The following YEATS2 variants were observed in gnomAD, a reference collection of about 807,000 sequenced individuals.
YEATS2 encodes the protein YEATS domain containing 2.
A neutral mutation model predicts 163.2 loss-of-function variants in YEATS2; 77 were observed. That is an observed-to-expected ratio of 0.47 (90% CI 0.39 to 0.57). The LOEUF (loss-of-function observed/expected upper bound fraction) is 0.57. Among genes scored for constraint, YEATS2 ranks in the 20% least tolerant of loss-of-function variants. YEATS2 has a pLI of 0.00. For synonymous variants in YEATS2, 631 were observed against 645.1 expected (o/e 0.98, Z 0.33); for missense variants, 1,549 against 1,729.8 (o/e 0.90, Z 1.85).
Position 183,810,857 on chromosome 3 carries a change from C to G in YEATS2, c.*274C>G. 2 of 414,822 alleles carry G rather than the reference C, an allele frequency of 4.8e-6. No homozygotes were observed. Among genetic ancestry groups the G allele is most frequent in the Non-Finnish European group, 9.0e-6 (2 of 221,868 alleles). 25.7% of individuals were successfully genotyped at this position (414,822 alleles called of 1,614,324 possible). On this transcript the variant is annotated 3_prime_UTR_variant, in exon 31 of 31. Transcript: ENST00000305135. Reference sequence around the variant, plus strand: ...TTCTGCAGTCTTTGTAAAGGCCCCACGAGAGCGGGCCAGGCCGTGTGCCTC... The same window carrying G: ...TTCTGCAGTCTTTGTAAAGGCCCCAGGAGAGCGGGCCAGGCCGTGTGCCTC...
intron 18 of YEATS2, 23 bp from the exon 19 acceptor site, chr3:183,777,519 C>A: frequency 6.2e-7 from 1 of 1,610,670 alleles, no homozygotes; most frequent in Non-Finnish European, 8.5e-7. Flanking sequence ...CCGATTAGTT[C>A]TTTATATTTT....
intron 9 of YEATS2, among the ~76,000 whole-genome samples, chr3:183,751,488 T>G (rs1720160424): frequency 6.6e-6 from 1 of 152,236 alleles, no homozygotes; most frequent in Admixed American, 6.5e-5. Flanking sequence ...TCTGCTGTAT[T>G]ATATCAGAAG....
At chr3:183,807,704 G>C (rs933544167) in intron 28 of YEATS2, 22 of 256,164 alleles carry the variant, frequency 8.6e-5, no homozygotes, top group Non-Finnish European at 2.3e-5. Context: ...ACAGGACGTT[G>C]GAGTCTGATT....
intron 15 of YEATS2, among the ~76,000 whole-genome samples, chr3:183,770,316 G>A (rs141033741): frequency 1.4e-3 from 209 of 152,030 alleles, no homozygotes; most frequent in East Asian, 5.7e-3. Flanking sequence ...CCCGTGAGGC[G>A]GAGGTTGCAG....
At chr3:183,740,111 T>A (rs1718786697) in intron 8 of YEATS2, among the ~76,000 whole-genome samples, 2 of 137,418 alleles carry the variant, frequency 1.5e-5, no homozygotes, top group African/African-American at 5.5e-5. Flanking sequence ...ACAAATGGGA[T>A]CTAATTAAAC....
intron 19 of YEATS2, among the ~76,000 whole-genome samples, chr3:183,782,149 G>C (rs1477383434): frequency 1.4e-4 from 22 of 151,784 alleles, no homozygotes; most frequent in African/African-American, 5.3e-4. Flanking sequence ...CGCTCTTGTT[G>C]CCCAGGCTGG....
chr3:183,762,855 C>T (rs1721515487), intron 15 of YEATS2, among the ~76,000 whole-genome samples: 1 of 151,930 alleles, frequency 6.6e-6, no homozygotes, highest in Admixed American at 6.6e-5. Flanking sequence ...AGTTCGAGAC[C>T]AGCCTGACCA....
At chr3:183,702,110 T>A (rs1304030138) in intron 1 of YEATS2, among the ~76,000 whole-genome samples, 1 of 152,122 alleles carries the variant, frequency 6.6e-6, no homozygotes, top group African/African-American at 2.4e-5. Flanking sequence ...CTTCGAAAGC[T>A]TTTTTTCCCC....
At chr3:183,725,041 C>CTTTTTTT (rs62826962) in intron 6 of YEATS2, among the ~76,000 whole-genome samples, 4 of 87,498 alleles carry the variant, frequency 4.6e-5, no homozygotes, top group East Asian at 3.9e-4. Context: ...CCGTGCCGGC[C>CTTTTTTT]TTTTTTTTTT....
rs763286549 is a variant in YEATS2, at chr3:183,804,002, A to T, written c.3598A>T (p.Thr1200Ser). The change falls in exon 27 of 31, where the codon ACA (threonine) becomes TCA (serine). Residue 1200 changes from threonine to serine, a missense_variant. Coordinates refer to ENST00000305135, the MANE Select transcript of YEATS2 (RefSeq NM_018023.5). ...RRAAEWQRAMTMRKVLQEILE... is the reference protein window; with the variant it reads ...RRAAEWQRAMSMRKVLQEILE... ...TTTTTTTAAGTGGCAAAGAGCAATG[A>T]CAATGCGAAAAGTCTTACAAGAAAT... 1.2e-6 allele frequency: 2 copies of T among 1,614,132 alleles called. No homozygotes were observed. The highest frequency in any genetic ancestry group is 2.2e-5 in the South Asian group (2 of 91,082).
chr3:183,775,842 G>A, intron 17 of YEATS2, 73 bp from the exon 18 acceptor site: 1 of 1,600,852 alleles, frequency 6.2e-7, no homozygotes, highest in Non-Finnish European at 8.5e-7. Context: ...ATCTCTCTGG[G>A]CTCATTTGTT....
intron 16 of YEATS2, 72 bp from the exon 17 acceptor site, chr3:183,773,561 T>G (rs901814909): frequency 1.4e-6 from 2 of 1,416,110 alleles, no homozygotes; most frequent in Non-Finnish European, 1.9e-6. Context: ...ATTTATTGCC[T>G]TGTATTTTAA....
intron 19 of YEATS2, among the ~76,000 whole-genome samples, chr3:183,783,645 T>C (rs1272461073): frequency 6.6e-6 from 1 of 152,218 alleles, no homozygotes; most frequent in Non-Finnish European, 1.5e-5. Flanking sequence ...TGAGAACATG[T>C]AGCCTTTGGT....
chr3:183,718,454 T>C, intron 3 of YEATS2, 46 bp from the exon 4 acceptor site: 1 of 1,486,736 alleles, frequency 6.7e-7, no homozygotes. Context: ...TACATCTCTT[T>C]TATAATTGCC....
chr3:183,752,334 T>C, intron 10 of YEATS2, 81 bp downstream of exon 10: 1 of 1,539,818 alleles, frequency 6.5e-7, no homozygotes, highest in East Asian at 2.3e-5. Flanking sequence ...CTATAGTATA[T>C]GGAAAATAAC....
intron 21 of YEATS2, among the ~76,000 whole-genome samples, chr3:183,795,398 C>T (rs1725041566): frequency 1.3e-5 from 2 of 151,374 alleles, no homozygotes; most frequent in African/African-American, 4.8e-5. Context: ...AGGCTGTCCT[C>T]CCACTTCAGC....
chr3:183,784,333 TG>T (rs1419320496), intron 19 of YEATS2, among the ~76,000 whole-genome samples: 1 of 152,244 alleles, frequency 6.6e-6, no homozygotes, highest in East Asian at 1.9e-4. Context: ...TGCATTTCTC[TG>T]GTGATTAGTG....
At chr3:183,782,372 G>A (rs1204810876) in intron 19 of YEATS2, among the ~76,000 whole-genome samples, 1 of 151,842 alleles carries the variant, frequency 6.6e-6, no homozygotes, top group Non-Finnish European at 1.5e-5. Context: ...GCCTCCCAAA[G>A]TGCTAGGATT....
At chr3:183,807,796 T>G in intron 28 of YEATS2, 1 of 440,204 alleles carries the variant, frequency 2.3e-6, no homozygotes, top group South Asian at 3.8e-5. Flanking sequence ...ATTTGAGAGA[T>G]TTTAATAGGA....
Sources: gnomAD v4.1 joint callset for allele counts (sites outside exome capture counted in the v4.1 genomes callset) on GRCh38, gnomAD v4.1.1 for gene constraint, MANE v1.5 for transcripts, NCBI Gene and HGNC (gene_info 2026-07-23, HGNC 2026-07-21) for gene names.